Variants in MGAT5B observed in about 807,000 individuals in gnomAD.
MGAT5B encodes N-acetylglucosaminyl-transferase Vb.
A neutral mutation model predicts 95.1 loss-of-function variants in MGAT5B; 54 were observed. The ratio of observed to expected loss-of-function variants is 0.57; its 90% confidence interval spans 0.46 to 0.71. MGAT5B has a LOEUF of 0.71. Ranked by LOEUF, MGAT5B falls within the 30% of genes least tolerant of loss-of-function variation. MGAT5B has a pLI of 0.00. For synonymous variants in MGAT5B, 464 were observed against 451.0 expected, an observed-to-expected ratio of 1.03 and a Z score of -0.36; for missense variants, 935 against 1,088.6, an observed-to-expected ratio of 0.86 and a Z score of 1.99.
chr17:76,913,691 C>A, intron 8 of MGAT5B: 1 of 511,434 alleles, frequency 2.0e-6, no homozygotes, highest in Non-Finnish European at 3.9e-6. Flanking sequence ...GAGGAGTAGC[C>A]AAGAGCAAGC....
At chr17:76,911,463 G>A (rs917669992) in intron 8 of MGAT5B, among the ~76,000 whole-genome samples, 5 of 152,162 alleles carry the variant, frequency 3.3e-5, no homozygotes, top group Admixed American at 2.6e-4. Context: ...TGGGGGGTTG[G>A]GCCACAGAGG....
chr17:76,883,300 T>A (rs930692612), intron 3 of MGAT5B, among the ~76,000 whole-genome samples: 7 of 152,162 alleles, frequency 4.6e-5, no homozygotes, highest in East Asian at 3.8e-4. Context: ...CCGCCTTTTT[T>A]AAAAAAATCT....
In MGAT5B at chr17:76,882,207, C is replaced by G. The variant is rs758942906; in HGVS notation, c.238C>G (p.Leu80Val). ...VLRKMSDLLELMVKRMDALAR... is the reference protein window; with the variant it reads ...VLRKMSDLLEVMVKRMDALAR... ...GCGCAAGATGAGCGACCTGCTGGAG[C>G]TGATGGTGAAGCGCATGGACGCACT... Residue 80 changes from leucine to valine, a missense_variant, in exon 3 of 18, where the codon CTG becomes GTG. Coordinates refer to ENST00000569840, the MANE Select transcript of MGAT5B (RefSeq NM_001199172.2). The G allele has an allele frequency of 6.2e-7, 1 of 1,613,688 alleles. No individual in the cohort carries two copies.
rs749899564 is a variant in MGAT5B at position 76,926,675 on chromosome 17, C to T, written c.1236C>T (p.Tyr412=). Residue 412 remains tyrosine (Y), a synonymous_variant, in exon 10 of 18, where the codon TAC becomes TAT. Coordinates refer to ENST00000569840, the MANE Select transcript of MGAT5B (RefSeq NM_001199172.2). The stretch of plus-strand genomic sequence containing the variant: ...AGGAGTACGCCACGCTGCACGGCTA[C>T]CGGACCAACTGGGGCTACTGGAACC... ...NHEEYATLHG[Y]RTNWGYWNLN... is the part of the protein sequence containing the mutation. 5 of 1,612,634 alleles carry T rather than the reference C, an allele frequency of 3.1e-6. No individual in the cohort carries two copies. The highest frequency in any genetic ancestry group is 1.1e-5 in the South Asian group (1 of 91,088).
At chr17:76,942,043 G>A (rs758882300) in intron 15 of MGAT5B, among the ~76,000 whole-genome samples, 1 of 152,218 alleles carries the variant, frequency 6.6e-6, no homozygotes, top group African/African-American at 2.4e-5. Flanking sequence ...TGGAGTCACC[G>A]GTGACGGAGG....
Position 76,905,922 on chromosome 17 carries a change from G to A in MGAT5B, c.856-96G>A. 3 of 1,359,742 alleles carry A rather than the reference G, an allele frequency of 2.2e-6. No homozygotes were observed. The highest frequency in any genetic ancestry group is 2.0e-6 in the Non-Finnish European group (2 of 1,012,572). 84.2% of individuals were successfully genotyped at this position (1,359,742 alleles called of 1,614,324 possible). On this transcript the variant is annotated intron_variant, in intron 7 of 17. Transcript: ENST00000569840. The surrounding 1 kb of genome is among the most constrained non-coding windows in gnomAD (Gnocchi z 4.2). ...TGCTGGGGCCCAGCCTGGAGACAGGGTCTGCTGCCGGCTGGTCTCCTGGCC... is the reference window on the plus strand; with the variant it reads ...TGCTGGGGCCCAGCCTGGAGACAGGATCTGCTGCCGGCTGGTCTCCTGGCC...
rs917077641 is a variant in MGAT5B at position 76,918,397 on chromosome 17, G to C, written c.1026-6569G>C. Reference sequence around the variant, plus strand: ...CATGCTGGGGATGCTCAAGGGCATCGCCTTTTCAGGAGATGGGAGCTGAGG... The same window carrying C: ...CATGCTGGGGATGCTCAAGGGCATCCCCTTTTCAGGAGATGGGAGCTGAGG... On this transcript the variant is annotated intron_variant, in intron 8 of 17. Transcript: ENST00000569840. The surrounding 1 kb of genome is among the most constrained non-coding windows in gnomAD (Gnocchi z 5.1). 3.9e-5 allele frequency among the ~76,000 whole-genome samples: 6 copies of C among 152,218 alleles called. No homozygotes were observed. The highest frequency in any genetic ancestry group is 8.8e-5 in the Non-Finnish European group (6 of 68,032).
In MGAT5B at chr17:76,905,905, C is replaced by G; in HGVS notation, c.856-113C>G. On this transcript the variant is annotated intron_variant, in intron 7 of 17. Coordinates refer to ENST00000569840, the MANE Select transcript of MGAT5B (RefSeq NM_001199172.2). The surrounding 1 kb of genome is among the most constrained non-coding windows in gnomAD (Gnocchi z 4.2). ...TGGTGCCGGAAAGCACCTGCTGGGG[C>G]CCAGCCTGGAGACAGGGTCTGCTGC... 2 of 1,219,344 alleles carry G rather than the reference C, an allele frequency of 1.6e-6. No homozygotes were observed. The highest frequency in any genetic ancestry group is 2.2e-6 in the Non-Finnish European group (2 of 891,256). The allele number at this position is 1,219,344 out of a possible 1,614,324, so 75.5% of individuals were successfully genotyped here.
intron 2 of MGAT5B, among the ~76,000 whole-genome samples, chr17:76,873,917 C>A (rs1187125920): frequency 6.6e-6 from 1 of 152,106 alleles, no homozygotes; most frequent in Non-Finnish European, 1.5e-5. Context: ...CTTTCTGGCT[C>A]CCCTGTTCTG....
Position 76,948,800 on chromosome 17 carries a change from C to T in MGAT5B, c.2341C>T (p.Arg781Cys), listed in dbSNP as rs772560652. The change falls in exon 18 of 18, where the codon CGC becomes TGC. Residue 781 changes from arginine (R) to cysteine (C), a missense_variant. Around this residue, in one of 4 missense-constraint regions of MGAT5B, gnomAD observed 440 missense variants for 523.6 expected, o/e 0.84. Coordinates refer to ENST00000569840, the MANE Select transcript of MGAT5B (RefSeq NM_001199172.2). Reference sequence around the variant, plus strand: ...CCGGCTCTGCCCCTGCCGCGACTTCCGCAAGGGCCAGGTGGCCTTGTGCCA... The same window carrying T: ...CCGGCTCTGCCCCTGCCGCGACTTCTGCAAGGGCCAGGTGGCCTTGTGCCA... The part of the protein sequence containing the change: ...YRRLCPCRDF[R>C]KGQVALCQGC... 1.2e-5 allele frequency: 20 copies of T among 1,607,836 alleles called. No homozygotes were observed. Among genetic ancestry groups the T allele is most frequent in the Middle Eastern group, 1.7e-4 (1 of 5,762 alleles).
rs1189652997 is a variant in MGAT5B at position 76,869,997 on chromosome 17, G to T, written c.68+900G>T. Among the ~76,000 whole-genome samples the T allele has an allele frequency of 6.6e-6, 1 of 152,304 alleles. No individual in the cohort carries two copies. The highest frequency in any genetic ancestry group is 1.9e-4 in the East Asian group (1 of 5,170). ...CCCGGCGGGGCCCGAGTGTCACCCC[G>T]TGGGTAGCTGGGCAGCGAGGAAGCT... On this transcript the variant is annotated intron_variant, in intron 1 of 17. Transcript: ENST00000569840. The surrounding 1 kb of genome is among the most constrained non-coding windows in gnomAD (Gnocchi z 7.0).
At position 76,872,975 on chromosome 17, in the gene MGAT5B, G is replaced by A; in HGVS notation, c.181+12G>A. 1 of 1,612,604 alleles carries A rather than the reference G, an allele frequency of 6.2e-7. No individual in the cohort carries two copies. The highest frequency in any genetic ancestry group is 8.5e-7 in the Non-Finnish European group (1 of 1,179,908). The stretch of plus-strand genomic sequence containing the variant: ...CATCCGCACAGAAGGTACCTTGGTG[G>A]GGCAAGGGGAGTGTGAGATGAGTGA... On this transcript the variant is annotated intron_variant, in intron 2 of 17. Transcript: ENST00000569840.
intron 16 of MGAT5B, 25 bp from the exon 17 acceptor site, chr17:76,947,805 C>T: frequency 6.6e-7 from 1 of 1,524,358 alleles, no homozygotes; most frequent in South Asian, 1.3e-5. Flanking sequence ...ACTTCCCCAC[C>T]CTGACACTGC....
intron 15 of MGAT5B, among the ~76,000 whole-genome samples, chr17:76,944,996 G>T (rs12602093): frequency 6.6e-6 from 1 of 152,004 alleles, no homozygotes; most frequent in Non-Finnish European, 1.5e-5. Flanking sequence ...GCATGGTGGG[G>T]TGGGGAGGTT....
chr17:76,897,660 A>ACCTTT (rs1385091778), intron 3 of MGAT5B, among the ~76,000 whole-genome samples: 9 of 69,386 alleles, frequency 1.3e-4, no homozygotes, highest in Non-Finnish European at 2.1e-4. Context: ...AAGTAAGGCC[A>ACCTTT]CTTTCTTTCT....
intron 9 of MGAT5B, among the ~76,000 whole-genome samples, chr17:76,926,150 C>G (rs1235919305): frequency 2.0e-5 from 3 of 152,140 alleles, no homozygotes; most frequent in Non-Finnish European, 4.4e-5. Context: ...CCTTTTGCAT[C>G]CTGGCCCTAT....
At chr17:76,879,643 T>G (rs1324602582) in intron 2 of MGAT5B, among the ~76,000 whole-genome samples, 1 of 152,142 alleles carries the variant, frequency 6.6e-6, no homozygotes, top group Non-Finnish European at 1.5e-5. Flanking sequence ...GCCAGGCAGG[T>G]CATCTGATGT....
At position 76,868,778 on chromosome 17, in the gene MGAT5B, A is replaced by T. The variant is rs1966888996; in HGVS notation, c.-252A>T. 3.9e-6 allele frequency: 1 copy of T among 256,058 alleles called. No individual in the cohort carries two copies. Among genetic ancestry groups the T allele is most frequent in the Non-Finnish European group, 7.3e-6 (1 of 136,158 alleles). The allele number at this position is 256,058 out of a possible 1,614,324, so 15.9% of individuals were successfully genotyped here. On this transcript the variant is annotated 5_prime_UTR_variant, in exon 1 of 18. Transcript: ENST00000569840. The surrounding 1 kb of genome is among the most constrained non-coding windows in gnomAD (Gnocchi z 6.3). ...GGGGCGCGCCGCCTCCCGGTCCCCA[A>T]AATGTGAAGCGGGGAGGGCGGAGAC...
chr17:76,912,232 G>T lies in MGAT5B; in HGVS notation c.1025+6045G>T, dbSNP rs11077874. Reference sequence around the variant, plus strand: ...GGACTTCAATATGTCAATGTTGGGGGTGGAGGACACAATGTAAACCCATAA... The same window carrying T: ...GGACTTCAATATGTCAATGTTGGGGTTGGAGGACACAATGTAAACCCATAA... On this transcript the variant is annotated intron_variant, in intron 8 of 17. Coordinates refer to ENST00000569840, the MANE Select transcript of MGAT5B (RefSeq NM_001199172.2). The surrounding 1 kb of genome is among the most constrained non-coding windows in gnomAD (Gnocchi z 5.0). 8.5e-5 allele frequency among the ~76,000 whole-genome samples: 13 copies of T among 152,056 alleles called. No homozygotes were observed. The East Asian group carries it at 2.5e-3, about 29-fold the overall frequency.
Sources: gnomAD v4.1 joint callset for allele counts (sites outside exome capture counted in the v4.1 genomes callset) on GRCh38, gnomAD v4.1.1 for gene constraint, gnomAD v4.1.1 regional missense constraint, Gnocchi (gnomAD v3.1) non-coding constraint, MANE v1.5 for transcripts, NCBI Gene and HGNC (gene_info 2026-07-23, HGNC 2026-07-21) for gene names.